UPF3B: variants seen among roughly 807,000 people sequenced by gnomAD.
UPF3B encodes the protein regulator of nonsense transcripts 3B.
A neutral mutation model predicts 40.3 loss-of-function variants in UPF3B; 7 were observed. That is an observed-to-expected ratio of 0.17 (90% confidence interval 0.10 to 0.33). UPF3B has a LOEUF of 0.33. UPF3B is among the 10% of genes least tolerant of loss of function. The pLI is 1.00. For synonymous variants in UPF3B, 117 were observed against 117.3 expected (o/e 1.00, Z 0.01); for missense variants, 229 against 358.9 (o/e 0.64, Z 2.93).
intron 5 of UPF3B, chrX:119,807,665 A>G: frequency 6.2e-6 from 3 of 482,649 alleles, no homozygotes; most frequent in Non-Finnish European, 7.7e-6. Flanking sequence ...TATATATATT[A>G]ATATATACTA....
intron 5 of UPF3B, among the ~76,000 whole-genome samples, chrX:119,808,068 C>T (rs1242300328): frequency 2.7e-5 from 3 of 111,992 alleles, no homozygotes; most frequent in Non-Finnish European, 5.6e-5. Context: ...TGCTAGGAGA[C>T]GGGGTTTCGC....
At chrX:119,844,410 G>C (rs2056202743) in intron 4 of UPF3B, among the ~76,000 whole-genome samples, 1 of 111,015 alleles carries the variant, frequency 9.0e-6, no homozygotes, top group Admixed American at 9.7e-5. Context: ...TATATCCAAA[G>C]ACCAGAAAAT....
rs762975365 is a variant in UPF3B at position 119,823,006 on chromosome X, C to A, written c.431G>T (p.Arg144Leu). 5.2e-5 allele frequency: 46 copies of A among 877,849 alleles called. No homozygotes were observed. In the South Asian group the frequency reaches 1.4e-3, roughly 26 times the overall value. The allele number at this position is 877,849 out of a possible 1,213,427, so 72.3% of individuals were successfully genotyped here. ...AGGGTGCCAGAGTCGACCTCGGCCTCGAGCTCCTCGATGGTAACACTGCAT... is the reference window on the plus strand; with the variant it reads ...AGGGTGCCAGAGTCGACCTCGGCCTAGAGCTCCTCGATGGTAACACTGCAT... Residue 144 changes from arginine to leucine, a missense_variant, in exon 4 of 7, where the codon CGA (arginine) becomes CTA (leucine). Transcript: ENST00000636792.
chrX:119,827,104 T>C (rs2074791169), intron 3 of UPF3B, among the ~76,000 whole-genome samples: 1 of 111,949 alleles, frequency 8.9e-6, no homozygotes, highest in Admixed American at 9.6e-5. Context: ...AAGAGCAATT[T>C]TGAGAGTTTC....
chrX:119,837,615 C>CAAA (rs34350340), intron 10 of UPF3B, 142 bp downstream of exon 10: 165 of 401,342 alleles, frequency 4.1e-4, no homozygotes, highest in Middle Eastern at 7.8e-4. Context: ...GACTCTGTCT[C>CAAA]AAAAAAAAAA....
At chrX:119,833,107 A>G (rs913694668), downstream of UPF3B, among the ~76,000 whole-genome samples, 2 of 110,926 alleles carry the variant, frequency 1.8e-5, no homozygotes, top group Admixed American at 1.9e-4. Context: ...CTAACTCCCC[A>G]TGGCTGTAAG....
In UPF3B at chrX:119,842,629, C is replaced by CACAG. The variant is rs202167619; in HGVS notation, c.580+561_580+562insCTGT. On this transcript the variant is annotated intron_variant, in intron 5 of 10. Transcript: ENST00000276201. ...ATACACACACACACACACACACACA[C>CACAG]AGAGAGAGAGCGAGCGAGCAAGCAA... is the stretch of plus-strand genomic sequence containing the variant. 4.0e-3 allele frequency among the ~76,000 whole-genome samples: 432 copies of CACAG among 107,182 alleles called. 4 individuals carry two copies. The highest frequency in any genetic ancestry group is 0.013 in the African/African-American group (384 of 28,829). 93.1% of individuals were successfully genotyped at this position (107,182 alleles called of 115,157 possible). A position where few individuals can be genotyped will look rare whatever the true frequency, so the allele number is the denominator to read the frequency against.
At position 119,841,777 on chromosome X, in the gene UPF3B, A is replaced by G. The variant is rs141965751; in HGVS notation, c.582T>C (p.Ala194=). 2 of 1,201,842 alleles carry G rather than the reference A, an allele frequency of 1.7e-6. No individual in the cohort carries two copies. The highest frequency in any genetic ancestry group is 3.5e-5 in the African/African-American group (2 of 57,750). Residue 194 remains alanine (A), a splice_region_variant and synonymous_variant, in exon 6 of 11, where the codon GCT becomes GCC. Transcript: ENST00000276201. ...AGCTCAAAAGTGGGGTTGTCTTTTT[A>G]GCTACATAAATGTAAACAGATTATT... ...EIEAKNRELI[A]KKTTPLLSFL... is the part of the protein sequence containing the mutation.
rs150274489 is a variant in UPF3B, at chrX:119,841,196, T to C, written c.687A>G (p.Arg229=). 17 of 1,184,303 alleles carry C rather than the reference T, an allele frequency of 1.4e-5. No individual in the cohort carries two copies. The African/African-American group carries it at 2.8e-4, about 20-fold the overall frequency. The change falls in exon 7 of 11, where the codon AGA becomes AGG. Residue 229 remains arginine, a synonymous_variant. Coordinates refer to ENST00000276201, the MANE Select transcript of UPF3B (RefSeq NM_080632.3). ...RRREIERKRQ[R]EEERRKWKEE... ...CTTTCCATTTCCTCCTCTCTTCTTC[T>C]CTTTGTCTTTTTCTTTCTATTTCTC...
At chrX:119,809,136 T>C in intron 5 of UPF3B, among the ~76,000 whole-genome samples, 1 of 111,254 alleles carries the variant, frequency 9.0e-6, no homozygotes, top group Non-Finnish European at 1.9e-5. Flanking sequence ...GAAGCAGGCA[T>C]GCCTTACATG....
At chrX:119,821,439 A>G (rs926215594) in intron 4 of UPF3B, among the ~76,000 whole-genome samples, 2 of 113,150 alleles carry the variant, frequency 1.8e-5, no homozygotes, top group African/African-American at 6.4e-5. Context: ...GGCAGAAACT[A>G]ACATTATTCA....
chrX:119,824,764 C>CTTTTTT (rs11351287), intron 3 of UPF3B, among the ~76,000 whole-genome samples: 32 of 65,628 alleles, frequency 4.9e-4, no homozygotes, highest in African/African-American at 1.5e-3. Flanking sequence ...CCATTTCTTT[C>CTTTTTT]TTTTTTTTTT....
intron 6 of UPF3B, among the ~76,000 whole-genome samples, chrX:119,806,987 C>T (rs1265111301): frequency 2.1e-5 from 2 of 94,907 alleles, no homozygotes; most frequent in Non-Finnish European, 4.1e-5. Flanking sequence ...CGACATTGAG[C>T]CACTGTACTC....
chrX:119,849,923 C>T (rs2056280203), intron 3 of UPF3B, among the ~76,000 whole-genome samples: 1 of 109,485 alleles, frequency 9.1e-6, no homozygotes, highest in African/African-American at 3.3e-5. Context: ...CAGACCTTGT[C>T]TCTAAGATTT....
intron 4 of UPF3B, chrX:119,815,457 C>A (rs752749882): frequency 8.1e-6 from 1 of 124,174 alleles, no homozygotes; most frequent in South Asian, 3.4e-4. Flanking sequence ...AACTTGCCCA[C>A]TTCCTCTCTC....
In UPF3B at chrX:119,815,352, G is replaced by A. The variant is rs1648386157; in HGVS notation, c.495-45C>T. 9.6e-6 allele frequency: 6 copies of A among 623,822 alleles called. No individual in the cohort carries two copies. In the South Asian group the frequency reaches 4.1e-4, roughly 43 times the overall value. 51.4% of individuals were successfully genotyped at this position (623,822 alleles called of 1,213,427 possible). On this transcript the variant is annotated intron_variant, in intron 4 of 6. Coordinates refer to the UPF3B transcript ENST00000636792. ...GTTACTGTTACAACAATGCTGCTAA[G>A]CTTTTACGTGGGATTTTCAAGTCAT...
intron 5 of UPF3B, among the ~76,000 whole-genome samples, chrX:119,810,143 A>G (rs2055817911): frequency 8.9e-6 from 1 of 112,368 alleles, no homozygotes; most frequent in South Asian, 3.7e-4. Context: ...CACCATAGAC[A>G]TCACAATTGG....
chrX:119,814,859 CTTTTTTT>C (rs140201169), intron 5 of UPF3B, among the ~76,000 whole-genome samples: 7 of 46,266 alleles, frequency 1.5e-4, no homozygotes, highest in African/African-American at 2.3e-4. Flanking sequence ...TTCTTTCTTT[CTTTTTTT>C]TTTTTTTTTT....
intron 5 of UPF3B, among the ~76,000 whole-genome samples, chrX:119,842,636 AGAGC>A (rs1467468621): frequency 4.6e-5 from 5 of 109,701 alleles, no homozygotes; most frequent in Non-Finnish European, 9.5e-5. Context: ...ACACAGAGAG[AGAGC>A]GAGCGAGCAA....
Sources: allele counts gnomAD v4.1 joint callset (sites outside exome capture counted in the v4.1 genomes callset), GRCh38; gene constraint gnomAD v4.1.1; transcripts MANE v1.5; gene names NCBI Gene and HGNC (gene_info 2026-07-23, HGNC 2026-07-21).